KIF13A: variants seen among roughly 807,000 people sequenced by gnomAD.
KIF13A encodes kinesin-like protein KIF13A.
In KIF13A, 79 loss-of-function variants were observed where a neutral mutation model predicts 212.2. That is an observed-to-expected ratio of 0.37 (90% CI 0.31 to 0.45). The LOEUF (loss-of-function observed/expected upper bound fraction) is 0.45, where lower values mean the gene tolerates loss of function less well. KIF13A is among the 20% of genes least tolerant of loss of function. The pLI is 1.00. For synonymous variants in KIF13A, 789 were observed against 808.6 expected (o/e 0.98, Z 0.41); for missense variants, 1,901 against 2,209.0 (o/e 0.86, Z 2.79).
In KIF13A at chr6:17,816,908, T is replaced by C. The variant is rs1763999367; in HGVS notation, c.2000+112A>G. The C allele has an allele frequency of 6.6e-6, 5 of 755,126 alleles. No homozygotes were observed. The highest frequency in any genetic ancestry group is 1.1e-5 in the Non-Finnish European group (5 of 472,166). The allele number at this position is 755,126 out of a possible 1,614,324, so 46.8% of individuals were successfully genotyped here. ...CTAATTGGCAATATCACGTATGGGATTAAGAGTTCTCTTGTTGCTAGGTTT... is the reference window on the plus strand; with the variant it reads ...CTAATTGGCAATATCACGTATGGGACTAAGAGTTCTCTTGTTGCTAGGTTT... On this transcript the variant is annotated intron_variant, in intron 17 of 38. Transcript: ENST00000259711. The surrounding 1 kb of genome is among the most constrained non-coding windows in gnomAD (Gnocchi z 4.3).
intron 16 of KIF13A, among the ~76,000 whole-genome samples, chr6:17,824,865 G>A (rs1435611038): frequency 6.6e-6 from 1 of 151,984 alleles, no homozygotes; most frequent in Admixed American, 6.5e-5. Context: ...GTCCACCCTG[G>A]TTCAAGTTAG....
At position 17,796,181 on chromosome 6, in the gene KIF13A, CTT is replaced by C. The variant is rs34144276; in HGVS notation, c.2942+486_2942+487del. Among the ~76,000 whole-genome samples, 176 of 141,442 alleles carry C rather than the reference CTT, an allele frequency of 1.2e-3. 1 individual carries two copies. The East Asian group carries it at 0.023, about 19-fold the overall frequency. 92.8% of individuals were successfully genotyped at this position (141,442 alleles called of 152,430 possible). ...AGTCCCAGAATTCAAAGCCTGTATT[CTT>C]TTTTTTTTTTTCTTTCCTTTTTTTT... On this transcript the variant is annotated intron_variant, in intron 23 of 38. Transcript: ENST00000259711.
chr6:17,809,021 A>G lies in KIF13A; in HGVS notation c.2001-91T>C, dbSNP rs772951712. 2.5e-5 allele frequency: 30 copies of G among 1,192,020 alleles called. No individual in the cohort carries two copies. Among genetic ancestry groups the G allele is most frequent in the Non-Finnish European group, 3.4e-5 (30 of 875,978 alleles). The allele number at this position is 1,192,020 out of a possible 1,614,324, so 73.8% of individuals were successfully genotyped here. ...GCATCTTATTAGAAAATGGGAGAAA[A>G]CTCCTCTCGGGCAGTATTTTTCAAA... On this transcript the variant is annotated intron_variant, in intron 17 of 38. Coordinates refer to ENST00000259711, the MANE Select transcript of KIF13A (RefSeq NM_022113.6). The surrounding 1 kb of genome is among the most constrained non-coding windows in gnomAD (Gnocchi z 4.7).
Position 17,786,861 on chromosome 6 carries a change from G to T in KIF13A, c.3361+915C>A, listed in dbSNP as rs6459570. Among the ~76,000 whole-genome samples the T allele has an allele frequency of 0.043, 6,565 of 152,246 alleles. 486 individuals are homozygous for T. The highest frequency in any genetic ancestry group is 0.15 in the African/African-American group (6,193 of 41,526). On this transcript the variant is annotated intron_variant, in intron 27 of 38. Coordinates refer to ENST00000259711, the MANE Select transcript of KIF13A (RefSeq NM_022113.6). This position sits in a 1 kb window ranked among gnomAD's most constrained non-coding sequence, Gnocchi z 5.4. Reference sequence around the variant, plus strand: ...TTTCTGCTAGCTTCTACATGAAATGGATTAACATGCATGATGTGTATGTTC... The same window carrying T: ...TTTCTGCTAGCTTCTACATGAAATGTATTAACATGCATGATGTGTATGTTC...
chr6:17,761,057 G>A (rs1194171796), downstream of KIF13A, among the ~76,000 whole-genome samples: 1 of 152,096 alleles, frequency 6.6e-6, no homozygotes, highest in African/African-American at 2.4e-5. Flanking sequence ...AAGCCCTGAG[G>A]TGATGTTTCA....
intron 2 of KIF13A, among the ~76,000 whole-genome samples, chr6:17,917,315 A>G (rs1402501716): frequency 7.4e-6 from 1 of 135,924 alleles, no homozygotes; most frequent in African/African-American, 2.8e-5. Context: ...ACCTCAGCTC[A>G]CTGCAACCTC....
chr6:17,786,791 A>G lies in KIF13A; in HGVS notation c.3361+985T>C, dbSNP rs1175648794. On this transcript the variant is annotated intron_variant, in intron 27 of 38. Transcript: ENST00000259711. This position sits in a 1 kb window ranked among gnomAD's most constrained non-coding sequence, Gnocchi z 5.4. ...TCATTAGCAGCCTGAGCACACACAC[A>G]AGGCGACATCACATGTTGAGCCAAG... Among the ~76,000 whole-genome samples, 1 of 152,114 alleles carries G rather than the reference A, an allele frequency of 6.6e-6. No individual in the cohort carries two copies. Among genetic ancestry groups the G allele is most frequent in the African/African-American group, 2.4e-5 (1 of 41,428 alleles).
At chr6:17,866,171 CCTCT>C (rs1385873380) in intron 4 of KIF13A, among the ~76,000 whole-genome samples, 1 of 152,148 alleles carries the variant, frequency 6.6e-6, no homozygotes, top group South Asian at 2.1e-4. Context: ...TTTTACACCC[CCTCT>C]CTCTGACAAA....
intron 16 of KIF13A, 56 bp from the exon 17 acceptor site, chr6:17,817,289 A>G: frequency 6.7e-7 from 1 of 1,496,700 alleles, no homozygotes; most frequent in Non-Finnish European, 9.3e-7. Context: ...ACAAGCATTC[A>G]TGCCAGGCAC....
downstream of KIF13A, among the ~76,000 whole-genome samples, chr6:17,762,327 C>T (rs950011079): frequency 1.1e-4 from 17 of 152,010 alleles, no homozygotes; most frequent in Admixed American, 7.9e-4. Context: ...ATTCTCCTGC[C>T]TCAGCCTCCC....
At chr6:17,827,625 C>T (rs1765085634) in intron 14 of KIF13A, among the ~76,000 whole-genome samples, 1 of 151,836 alleles carries the variant, frequency 6.6e-6, no homozygotes, top group Non-Finnish European at 1.5e-5. Flanking sequence ...TTCAGTGATC[C>T]TCCCACCTCA....
At position 17,947,798 on chromosome 6, in the gene KIF13A, G is replaced by A. The variant is rs981750160; in HGVS notation, c.146+39256C>T. Among the ~76,000 whole-genome samples the A allele has an allele frequency of 2.6e-4, 39 of 152,022 alleles. No homozygotes were observed. Among genetic ancestry groups the A allele is most frequent in the Admixed American group, 1.5e-3 (23 of 15,272 alleles). ...GGAGGTTGCAGTGAGCCGAGATTGC[G>A]CCATTGCGCTCCAGCCTGTGTGACA... On this transcript the variant is annotated intron_variant, in intron 2 of 38. Coordinates refer to ENST00000259711, the MANE Select transcript of KIF13A (RefSeq NM_022113.6). This position sits in a 1 kb window ranked among gnomAD's most constrained non-coding sequence, Gnocchi z 4.6.
chr6:17,877,163 AGACT>A (rs1355459394), intron 3 of KIF13A, among the ~76,000 whole-genome samples: 1 of 147,798 alleles, frequency 6.8e-6, no homozygotes, highest in Admixed American at 6.7e-5. Flanking sequence ...AAAAAAAAAA[AGACT>A]AAGTTATGTT....
At chr6:17,857,486 C>A (rs574785409) in intron 4 of KIF13A, among the ~76,000 whole-genome samples, 4 of 152,186 alleles carry the variant, frequency 2.6e-5, no homozygotes, top group African/African-American at 9.7e-5. Flanking sequence ...TCACCTTCCA[C>A]CATGATTCTA....
intron 18 of KIF13A, 120 bp from the exon 19 acceptor site, chr6:17,805,735 G>T: frequency 2.3e-6 from 2 of 851,778 alleles, no homozygotes; most frequent in Non-Finnish European, 3.5e-6. Context: ...TACAAAAGAA[G>T]ATAAAATTCT....
At chr6:17,823,918 T>TTTC (rs1231283031) in intron 16 of KIF13A, among the ~76,000 whole-genome samples, 3 of 37,990 alleles carry the variant, frequency 7.9e-5, no homozygotes, top group Non-Finnish European at 1.8e-4. Context: ...TTTAAATTTC[T>TTTC]TTTTTTTTTT....
downstream of KIF13A, among the ~76,000 whole-genome samples, chr6:17,762,213 A>ATTT (rs34052352): frequency 6.5e-5 from 9 of 138,824 alleles, no homozygotes; most frequent in Non-Finnish European, 9.3e-5. Flanking sequence ...GTGAATTTGA[A>ATTT]TTTTTTTTTT....
At position 17,828,175 on chromosome 6, in the gene KIF13A, G is replaced by GGCA; in HGVS notation, c.1532+62_1532+64dup. ...ATATAGCTGAAAGCAAACAGAAAGA[G>GGCA]GCAGCCTTCTCCTTCTGAAAATAAG... On this transcript the variant is annotated intron_variant, in intron 14 of 38. Transcript: ENST00000259711. This position sits in a 1 kb window ranked among gnomAD's most constrained non-coding sequence, Gnocchi z 4.3. 6.6e-7 allele frequency: 1 copy of GGCA among 1,517,272 alleles called. No homozygotes were observed. Among genetic ancestry groups the GGCA allele is most frequent in the Non-Finnish European group, 8.9e-7 (1 of 1,118,050 alleles). The allele number at this position is 1,517,272 out of a possible 1,614,324, so 94.0% of individuals were successfully genotyped here.
At position 17,808,904 on chromosome 6, in the gene KIF13A, G is replaced by T. The variant is rs549732971; in HGVS notation, c.2027C>A (p.Ala676Glu). ...ERDELFRQSL[A>E]KLREQLVKAN... The stretch of plus-strand genomic sequence containing the variant: ...TTTAACCAGCTGCTCTCGCAGTTTT[G>T]CCAGGCTTTGTCGGAAGAGTTCATC... The change falls in exon 18 of 39, where the codon GCA becomes GAA. Residue 676 changes from alanine (A) to glutamate (E), a missense_variant. Around this residue, in one of 5 missense-constraint regions of KIF13A, gnomAD observed 534 missense variants for 536.9 expected, o/e 0.99. Transcript: ENST00000259711. 6.2e-7 allele frequency: 1 copy of T among 1,612,684 alleles called. No homozygotes were observed. Among genetic ancestry groups the T allele is most frequent in the African/African-American group, 1.3e-5 (1 of 75,004 alleles).
Sources: allele counts gnomAD v4.1 joint callset (sites outside exome capture counted in the v4.1 genomes callset), GRCh38; gene constraint gnomAD v4.1.1; regional missense constraint gnomAD v4.1.1; non-coding constraint Gnocchi (gnomAD v3.1); transcripts MANE v1.5; gene names NCBI Gene and HGNC (gene_info 2026-07-23, HGNC 2026-07-21).